SASH1: variants seen among roughly 807,000 people sequenced by gnomAD.
SASH1 encodes SAM and SH3 domain containing 1.
Under a neutral mutation model 125.2 loss-of-function variants are expected in SASH1, and 44 were observed. That is an observed-to-expected ratio of 0.35 (90% CI 0.28 to 0.45). SASH1 has a LOEUF of 0.45. Among genes scored for constraint, SASH1 ranks in the 20% least tolerant of loss-of-function variants. The pLI is 1.00. For missense variants in SASH1, 1,426 were observed against 1,614.5 expected (o/e 0.88, Z 2.00); for synonymous variants, 639 against 649.1 (o/e 0.98, Z 0.24).
In SASH1 at chr6:148,548,601, A is replaced by G. The variant is rs1263177546; in HGVS notation, c.*43A>G. On this transcript the variant is annotated 3_prime_UTR_variant, in exon 20 of 20. Transcript: ENST00000367467. ...CTCTCTGGACAAGAGCCACCCTTTC[A>G]CTGTGCATATGATGCTGATGCAATT... The G allele has an allele frequency of 9.7e-6, 15 of 1,543,550 alleles. No homozygotes were observed. In the Admixed American group the frequency reaches 2.8e-4, roughly 29 times the overall value.
At position 148,521,383 on chromosome 6, in the gene SASH1, G is replaced by C. The variant is rs563613041; in HGVS notation, c.1209+1490G>C. Among the ~76,000 whole-genome samples the C allele has an allele frequency of 3.2e-3, 486 of 152,282 alleles. 5 individuals carry two copies. Among genetic ancestry groups the C allele is most frequent in the African/African-American group, 0.011 (466 of 41,548 alleles). On this transcript the variant is annotated intron_variant, in intron 10 of 19. Transcript: ENST00000367467. ...ATGAACAGGATGTTCTTCCCCAGAC[G>C]ATCAGTGTAATTTAAATTCATTCAG...
At chr6:148,444,000 G>A (rs898697102) in intron 4 of SASH1, among the ~76,000 whole-genome samples, 1 of 152,182 alleles carries the variant, frequency 6.6e-6, no homozygotes, top group Admixed American at 6.5e-5. Flanking sequence ...GTGGGCAGAA[G>A]TTTTCTCTGC....
chr6:148,516,388 T>C (rs1030753706), intron 9 of SASH1, among the ~76,000 whole-genome samples: 3 of 152,138 alleles, frequency 2.0e-5, no homozygotes, highest in African/African-American at 7.2e-5. Context: ...CCCTGCACAA[T>C]AGAGAACTCT....
At chr6:148,498,372 G>T (rs9377142) in intron 8 of SASH1, among the ~76,000 whole-genome samples, 2 of 151,654 alleles carry the variant, frequency 1.3e-5, no homozygotes, top group South Asian at 2.1e-4. Context: ...CTGCACTCCA[G>T]CCTGGGTGGC....
At chr6:148,319,839 C>T (rs958502356) in intron 1 of SASH1, among the ~76,000 whole-genome samples, 2 of 152,188 alleles carry the variant, frequency 1.3e-5, no homozygotes, top group Non-Finnish European at 2.9e-5. Context: ...AAATTGCACG[C>T]CATTCTGAGG....
intron 8 of SASH1, among the ~76,000 whole-genome samples, chr6:148,511,989 T>G (rs566433311): frequency 7.1e-6 from 1 of 139,876 alleles, no homozygotes; most frequent in Admixed American, 7.2e-5. Flanking sequence ...CTATTTCATT[T>G]TCATTTGATT....
the SASH1 span, among the ~76,000 whole-genome samples, chr6:148,244,503 G>A: frequency 6.6e-6 from 1 of 152,182 alleles, no homozygotes; most frequent in African/African-American, 2.4e-5. Flanking sequence ...TGATACAAAT[G>A]TCACAGACAT....
chr6:148,521,002 C>G (rs1435194556), intron 10 of SASH1, among the ~76,000 whole-genome samples: 1 of 152,104 alleles, frequency 6.6e-6, no homozygotes, highest in African/African-American at 2.4e-5. Flanking sequence ...AAATGCCTTC[C>G]CCTAGCCTAT....
At chr6:148,513,410 T>A in intron 8 of SASH1, 3 of 985,464 alleles carry the variant, frequency 3.0e-6, no homozygotes, top group Non-Finnish European at 3.6e-6. Flanking sequence ...TAGTCAGAGA[T>A]CTCTTATGCT....
intron 5 of SASH1, among the ~76,000 whole-genome samples, chr6:148,470,105 G>T (rs138859549): frequency 6.6e-6 from 1 of 152,134 alleles, no homozygotes; most frequent in East Asian, 1.9e-4. Context: ...CCAAGAGCAA[G>T]ATTGAGTTAA....
intron 1 of SASH1, among the ~76,000 whole-genome samples, chr6:148,318,237 G>A (rs1780531390): frequency 6.6e-6 from 1 of 152,120 alleles, no homozygotes. Context: ...CAAACAGCAG[G>A]CATGTTTTGC....
chr6:148,413,350 A>C (rs1784698499), intron 2 of SASH1, among the ~76,000 whole-genome samples: 1 of 152,176 alleles, frequency 6.6e-6, no homozygotes, highest in African/African-American at 2.4e-5. Context: ...GAAATGAGGA[A>C]ACGAACAGAA....
the SASH1 span, among the ~76,000 whole-genome samples, chr6:148,236,416 T>TG: frequency 6.6e-6 from 1 of 152,132 alleles, no homozygotes; most frequent in African/African-American, 2.4e-5. Flanking sequence ...TTCACCATGT[T>TG]GGCCAGGCTG....
rs139376014 is a variant in SASH1, at chr6:148,429,820, T to C, written c.286-10364T>C. ...GTAGTACTCCCTTGTACAGGGAGCC[T>C]GTGCAAGGCTGTAGAAAGTAACATT... On this transcript the variant is annotated intron_variant, in intron 2 of 19. Transcript: ENST00000367467. Among the ~76,000 whole-genome samples the C allele has an allele frequency of 4.0e-3, 615 of 152,246 alleles. 1 individual carries two copies. Among genetic ancestry groups the C allele is most frequent in the South Asian group, 7.0e-3 (34 of 4,824 alleles).
At chr6:148,370,605 C>T (rs747061444) in intron 1 of SASH1, among the ~76,000 whole-genome samples, 2 of 152,044 alleles carry the variant, frequency 1.3e-5, no homozygotes, top group African/African-American at 2.4e-5. Flanking sequence ...GGGCAGATCA[C>T]GAGGTCAGGA....
At chr6:148,247,621 G>T in the SASH1 span, among the ~76,000 whole-genome samples, 1 of 152,168 alleles carries the variant, frequency 6.6e-6, no homozygotes, top group Non-Finnish European at 1.5e-5. Flanking sequence ...CATATCCGGG[G>T]CCTAAAATCT....
chr6:148,453,164 C>G (rs1273129468), intron 4 of SASH1, among the ~76,000 whole-genome samples: 3 of 152,210 alleles, frequency 2.0e-5, no homozygotes, highest in Non-Finnish European at 4.4e-5. Context: ...GTCCGCACGT[C>G]TGCCCTGTGT....
intron 1 of SASH1, among the ~76,000 whole-genome samples, chr6:148,284,070 A>G (rs1385583822): frequency 6.6e-6 from 1 of 152,180 alleles, no homozygotes; most frequent in African/African-American, 2.4e-5. Context: ...AATGACCACT[A>G]TAGGAACCTA....
the SASH1 span, among the ~76,000 whole-genome samples, chr6:148,198,875 G>C: frequency 2.0e-5 from 3 of 152,190 alleles, no homozygotes; most frequent in Non-Finnish European, 4.4e-5. Flanking sequence ...ACAATTATCA[G>C]CTAGTGCTGA....
Sources: allele counts gnomAD v4.1 joint callset (sites outside exome capture counted in the v4.1 genomes callset), GRCh38; gene constraint gnomAD v4.1.1; transcripts MANE v1.5; gene names NCBI Gene and HGNC (gene_info 2026-07-23, HGNC 2026-07-21).